The following ZNF704 variants were observed in gnomAD, a reference collection of about 807,000 sequenced individuals.
ZNF704 encodes the protein zinc finger protein 704, also known as glucocorticoid induced gene 1.
ZNF704 carries 10 observed loss-of-function variants against 44.7 expected under a neutral mutation model. The ratio of observed to expected loss-of-function variants is 0.22; its 90% CI spans 0.14 to 0.38. The LOEUF (loss-of-function observed/expected upper bound fraction) is 0.38, where lower values mean the gene tolerates loss of function less well. Ranked by LOEUF, ZNF704 falls within the 10% of genes least tolerant of loss-of-function variation. ZNF704 has a pLI of 1.00. For synonymous variants in ZNF704, 211 were observed against 207.6 expected (o/e 1.02, Z -0.14); for missense variants, 390 against 545.5 (o/e 0.71, Z 2.84).
At chr8:80,821,726 A>T in intron 1 of ZNF704, 111 bp from the exon 2 acceptor site, 2 of 763,782 alleles carry the variant, frequency 2.6e-6, no homozygotes, top group Middle Eastern at 2.9e-4. Flanking sequence ...GTTCATCTGA[A>T]AGATTGTATA....
chr8:80,659,533 T>C (rs1401052838), intron 7 of ZNF704, 52 bp downstream of exon 7: 1 of 1,464,818 alleles, frequency 6.8e-7, no homozygotes, highest in Non-Finnish European at 9.6e-7. Context: ...TCGCTAAATT[T>C]AGTCTACATT....
chr8:80,832,493 A>G (rs1282883661), intron 1 of ZNF704, among the ~76,000 whole-genome samples: 6 of 152,196 alleles, frequency 3.9e-5, no homozygotes, highest in African/African-American at 1.4e-4. Context: ...ACAGATTTAC[A>G]GTAATGAAAT....
chr8:80,807,781 A>G (rs1404976692), intron 2 of ZNF704, among the ~76,000 whole-genome samples: 1 of 152,216 alleles, frequency 6.6e-6, no homozygotes, highest in African/African-American at 2.4e-5. Flanking sequence ...CAGTTATAAA[A>G]GTATTAACAA....
chr8:80,744,135 A>C (rs1289969862), intron 2 of ZNF704, among the ~76,000 whole-genome samples: 1 of 152,220 alleles, frequency 6.6e-6, no homozygotes, highest in Non-Finnish European at 1.5e-5. Context: ...TACATCATTA[A>C]TATTTTTAAA....
intron 1 of ZNF704, among the ~76,000 whole-genome samples, chr8:80,870,688 T>C: frequency 6.6e-6 from 1 of 152,152 alleles, no homozygotes; most frequent in East Asian, 1.9e-4. Flanking sequence ...CAAACTTAAA[T>C]AGTGCTGTGC....
chr8:80,810,740 T>C (rs936291445), intron 2 of ZNF704, among the ~76,000 whole-genome samples: 2 of 152,222 alleles, frequency 1.3e-5, no homozygotes, highest in African/African-American at 4.8e-5. Flanking sequence ...ATAATTATAA[T>C]TGTACTAAAC....
At chr8:80,796,564 T>C (rs1807804228) in intron 2 of ZNF704, among the ~76,000 whole-genome samples, 1 of 152,224 alleles carries the variant, frequency 6.6e-6, no homozygotes, top group South Asian at 2.1e-4. Context: ...AATGTATTCA[T>C]TCCCTCCCCA....
At chr8:80,791,928 G>C (rs1388266962) in intron 2 of ZNF704, among the ~76,000 whole-genome samples, 1 of 152,180 alleles carries the variant, frequency 6.6e-6, no homozygotes, top group Non-Finnish European at 1.5e-5. Flanking sequence ...CTTGAGTCTT[G>C]GGAATCAGCT....
intron 1 of ZNF704, among the ~76,000 whole-genome samples, chr8:80,833,748 G>A (rs1808509382): frequency 6.6e-6 from 1 of 152,174 alleles, no homozygotes; most frequent in Admixed American, 6.5e-5. Flanking sequence ...CAATAGGTCT[G>A]TTGCCCTATG....
intron 6 of ZNF704, among the ~76,000 whole-genome samples, chr8:80,664,364 T>C (rs1291649306): frequency 1.3e-5 from 2 of 150,724 alleles, no homozygotes; most frequent in Non-Finnish European, 3.0e-5. Context: ...CTCTGCCTCC[T>C]GGGTTCAAGT....
intron 2 of ZNF704, among the ~76,000 whole-genome samples, chr8:80,805,099 T>C (rs970431486): frequency 1.3e-5 from 2 of 152,182 alleles, no homozygotes; most frequent in African/African-American, 2.4e-5. Context: ...ACCCCTGAAG[T>C]AGGCAAGGAC....
At chr8:80,732,031 T>C (rs1806590435) in intron 2 of ZNF704, among the ~76,000 whole-genome samples, 1 of 152,206 alleles carries the variant, frequency 6.6e-6, no homozygotes, top group South Asian at 2.1e-4. Context: ...AAAGACCAAT[T>C]ATATGTGCAC....
intron 2 of ZNF704, among the ~76,000 whole-genome samples, chr8:80,717,708 GT>G (rs556571841): frequency 2.0e-5 from 3 of 152,114 alleles, no homozygotes; most frequent in African/African-American, 4.8e-5. Context: ...TCTACCACTA[GT>G]TTTTTTCTCC....
intron 2 of ZNF704, among the ~76,000 whole-genome samples, chr8:80,741,233 G>C (rs1267384670): frequency 6.6e-6 from 1 of 152,190 alleles, no homozygotes; most frequent in East Asian, 1.9e-4. Flanking sequence ...CATTTAGTAA[G>C]ATGGACACCT....
intron 2 of ZNF704, among the ~76,000 whole-genome samples, chr8:80,781,566 C>T (rs1160640606): frequency 6.6e-6 from 1 of 152,198 alleles, no homozygotes; most frequent in Non-Finnish European, 1.5e-5. Context: ...CTTAAAAGTG[C>T]TGCACTTTGC....
chr8:80,857,642 A>C (rs1808985141), intron 1 of ZNF704, among the ~76,000 whole-genome samples: 1 of 152,072 alleles, frequency 6.6e-6, no homozygotes, highest in Middle Eastern at 3.2e-3. Flanking sequence ...ATATTTTCTT[A>C]AGTGTTTTTG....
At chr8:80,669,064 A>G (rs1002250745) in intron 5 of ZNF704, among the ~76,000 whole-genome samples, 3 of 152,154 alleles carry the variant, frequency 2.0e-5, no homozygotes, top group African/African-American at 7.2e-5. Flanking sequence ...CTGTGAGAGC[A>G]CCCCAGGAAC....
chr8:80,814,162 C>G (rs796221430), intron 2 of ZNF704: 37 of 152,296 alleles, frequency 2.4e-4, no homozygotes, highest in African/African-American at 8.4e-4. Flanking sequence ...AGAAGGGAGA[C>G]AGAATTGCTT....
chr8:80,857,234 CTTA>C (rs1448135938), intron 1 of ZNF704, among the ~76,000 whole-genome samples: 1 of 151,978 alleles, frequency 6.6e-6, no homozygotes, highest in Non-Finnish European at 1.5e-5. Flanking sequence ...TTTTTCTTGC[CTTA>C]TCACACTGGC....
Sources: gnomAD v4.1 joint callset for allele counts (sites outside exome capture counted in the v4.1 genomes callset) on GRCh38, gnomAD v4.1.1 for gene constraint, MANE v1.5 for transcripts, NCBI Gene and HGNC (gene_info 2026-07-23, HGNC 2026-07-21) for gene names.